The following ZSCAN5A variants were observed in gnomAD, a reference collection of about 807,000 sequenced individuals.
ZSCAN5A encodes the protein zinc finger and SCAN domain containing 5A, also known as zinc finger and SCAN domain-containing protein 5A.
ZSCAN5A carries 12 observed loss-of-function variants against 23.7 expected under a neutral mutation model. That is an observed-to-expected ratio of 0.51 (90% CI 0.32 to 0.82). The LOEUF is 0.82. ZSCAN5A is among the 40% of genes least tolerant of loss of function. The pLI, the probability that ZSCAN5A is intolerant of heterozygous loss-of-function variation, is 0.03. For synonymous variants in ZSCAN5A, 257 were observed against 239.9 expected, an observed-to-expected ratio of 1.07 and a Z score of -0.66; for missense variants, 597 against 617.9, an observed-to-expected ratio of 0.97 and a Z score of 0.36.
intron 1 of ZSCAN5A, chr19:56,368,176 G>A (rs577007641): frequency 6.6e-5 from 10 of 152,500 alleles, no homozygotes; most frequent in African/African-American, 2.2e-4. Flanking sequence ...GCTCCGCGTC[G>A]AGGCCCTACG....
At chr19:56,271,146 G>A (rs770758377) in intron 2 of ZSCAN5A, among the ~76,000 whole-genome samples, 15 of 152,184 alleles carry the variant, frequency 9.9e-5, no homozygotes, top group Admixed American at 2.0e-4. Context: ...AAATCGAAAC[G>A]TAGGACTAAT....
chr19:56,366,998 G>A (rs2041771665), intron 1 of ZSCAN5A, among the ~76,000 whole-genome samples: 1 of 152,114 alleles, frequency 6.6e-6, no homozygotes, highest in African/African-American at 2.4e-5. Flanking sequence ...AAAAACTGGT[G>A]ACGTATTAAA....
chr19:56,328,316 T>C (rs369822539), intron 2 of ZSCAN5A, among the ~76,000 whole-genome samples: 1 of 151,928 alleles, frequency 6.6e-6, no homozygotes, highest in Admixed American at 6.6e-5. Flanking sequence ...TTTTACTATT[T>C]TATTATAAAA....
Position 56,222,687 on chromosome 19 carries a change from G to C in ZSCAN5A, c.643C>G (p.Leu215Val). ...SIDVTGDPKS[L>V]RPKQTLEKDL... ...TTCTCCAAGGTCTGCTTGGGTCTCA[G>C]AGACTTTGGGTCACCTGTTACGTCA... The change falls in exon 5 of 6, where the codon CTG becomes GTG. Residue 215 changes from leucine to valine, a missense_variant. Coordinates refer to ENST00000683990, the MANE Select transcript of ZSCAN5A (RefSeq NM_001322064.3). 1 of 1,614,174 alleles carries C rather than the reference G, an allele frequency of 6.2e-7. No individual in the cohort carries two copies. The highest frequency in any genetic ancestry group is 8.5e-7 in the Non-Finnish European group (1 of 1,180,034).
chr19:56,254,522 G>T (rs1487984258), intron 2 of ZSCAN5A, among the ~76,000 whole-genome samples: 1 of 152,162 alleles, frequency 6.6e-6, no homozygotes, highest in Non-Finnish European at 1.5e-5. Flanking sequence ...CGCTTGGGTA[G>T]CTCCTACTTC....
chr19:56,231,029 T>A (rs531525565), intron 2 of ZSCAN5A, among the ~76,000 whole-genome samples: 3 of 152,214 alleles, frequency 2.0e-5, no homozygotes, highest in African/African-American at 7.2e-5. Flanking sequence ...ACTGGCAACA[T>A]GGCAAAACCC....
intron 2 of ZSCAN5A, among the ~76,000 whole-genome samples, chr19:56,251,318 T>A (rs115753763): frequency 0.013 from 2,008 of 152,292 alleles, 43 homozygotes; most frequent in African/African-American, 0.043. Context: ...TTGGTGCTTT[T>A]CTGTGTAGTT....
intron 2 of ZSCAN5A, among the ~76,000 whole-genome samples, chr19:56,350,094 C>T (rs2041658364): frequency 6.6e-6 from 1 of 152,158 alleles, no homozygotes. Context: ...TTGTAAAATT[C>T]TAATTGCTGT....
intron 1 of ZSCAN5A, chr19:56,314,408 T>A (rs1302099370): frequency 6.6e-6 from 1 of 152,240 alleles, no homozygotes; most frequent in Non-Finnish European, 1.5e-5. Context: ...GCGAAAAGTC[T>A]CTGCGCACTT....
Position 56,225,121 on chromosome 19 carries a change from C to A in ZSCAN5A, c.-75G>T. 6.6e-7 allele frequency: 1 copy of A among 1,507,086 alleles called. No individual in the cohort carries two copies. Among genetic ancestry groups the A allele is most frequent in the South Asian group, 1.3e-5 (1 of 74,234 alleles). The allele number at this position is 1,507,086 out of a possible 1,614,324, so 93.4% of individuals were successfully genotyped here. A position where few individuals can be genotyped will look rare whatever the true frequency, so the allele number is the denominator to read the frequency against. ...CTGGTATCTAATTGATACCTATCTA[C>A]ACAGGCTTCCTCTGGTTTTCCTCAG... is the stretch of plus-strand genomic sequence containing the variant. On this transcript the variant is annotated 5_prime_UTR_variant, in exon 3 of 6. Transcript: ENST00000683990.
Position 56,351,531 on chromosome 19 carries a change from T to C in ZSCAN5A, c.-358+11704A>G, listed in dbSNP as rs999175552. Among the ~76,000 whole-genome samples the C allele has an allele frequency of 2.0e-5, 3 of 152,164 alleles. No homozygotes were observed. The highest frequency in any genetic ancestry group is 4.8e-5 in the African/African-American group (2 of 41,454). On this transcript the variant is annotated intron_variant, in intron 2 of 6. Transcript: ENST00000587340. The surrounding 1 kb of genome is among the most constrained non-coding windows in gnomAD (Gnocchi z 4.8). ...CCAGATATAAGGGACTGTCTTTCTGTTGCGCACAGGGTCTATCTCTGTTCC... is the reference window on the plus strand; with the variant it reads ...CCAGATATAAGGGACTGTCTTTCTGCTGCGCACAGGGTCTATCTCTGTTCC...
At chr19:56,268,471 A>C (rs998474733) in intron 2 of ZSCAN5A, among the ~76,000 whole-genome samples, 1 of 152,118 alleles carries the variant, frequency 6.6e-6, no homozygotes, top group African/African-American at 2.4e-5. Context: ...TTAATTTTTA[A>C]ATTTAGTTAC....
intron 2 of ZSCAN5A, among the ~76,000 whole-genome samples, chr19:56,362,724 A>G (rs960620912): frequency 2.0e-5 from 3 of 152,086 alleles, no homozygotes; most frequent in Non-Finnish European, 4.4e-5. Flanking sequence ...CAAAAAAATT[A>G]GCCAGGTATA....
intron 2 of ZSCAN5A, among the ~76,000 whole-genome samples, chr19:56,263,841 T>G (rs1225352664): frequency 6.6e-6 from 1 of 152,176 alleles, no homozygotes; most frequent in Non-Finnish European, 1.5e-5. Context: ...TATAATAGTA[T>G]TATGCTTCTA....
At chr19:56,335,413 C>G (rs1232867985) in intron 2 of ZSCAN5A, among the ~76,000 whole-genome samples, 2 of 152,136 alleles carry the variant, frequency 1.3e-5, no homozygotes, top group Non-Finnish European at 2.9e-5. Context: ...CCTAGCTAGC[C>G]AGGCCAACAT....
intron 2 of ZSCAN5A, chr19:56,321,510 A>G (rs2041375186): frequency 2.8e-6 from 2 of 724,942 alleles, no homozygotes; most frequent in Non-Finnish European, 5.1e-6. Context: ...ACCATGCACC[A>G]CTCACACGCA....
chr19:56,261,688 GA>G (rs1348366301), intron 2 of ZSCAN5A, among the ~76,000 whole-genome samples: 1 of 151,934 alleles, frequency 6.6e-6, no homozygotes, highest in Non-Finnish European at 1.5e-5. Context: ...AAAAAGGGGA[GA>G]AAAAGAGATT....
Position 56,242,061 on chromosome 19 carries a change from C to T in ZSCAN5A, c.-127-16888G>A, listed in dbSNP as rs542666053. On this transcript the variant is annotated intron_variant, in intron 2 of 5. Coordinates refer to ENST00000683990, the MANE Select transcript of ZSCAN5A (RefSeq NM_001322064.3). Reference sequence around the variant, plus strand: ...TTTCCTCTGTGTACCTGCCCCGGAGCGGGATTGCCGGATCATGCAGTTGTT... The same window carrying T: ...TTTCCTCTGTGTACCTGCCCCGGAGTGGGATTGCCGGATCATGCAGTTGTT... Among the ~76,000 whole-genome samples, 917 of 152,246 alleles carry T rather than the reference C, an allele frequency of 6.0e-3. 7 individuals are homozygous for T. The highest frequency in any genetic ancestry group is 0.021 in the African/African-American group (888 of 41,550).
At chr19:56,247,173 GCAGCTCTCAGACCTCCGCGTCCAC>G in intron 2 of ZSCAN5A, 1 of 605,414 alleles carries the variant, frequency 1.7e-6, no homozygotes, top group South Asian at 1.9e-5. Flanking sequence ...GGTGCTTCAC[GCAGCTCTCAGACCTCCGCGTCCAC>G]CAGCGAATCC....
Sources: allele counts gnomAD v4.1 joint callset (sites outside exome capture counted in the v4.1 genomes callset), GRCh38; gene constraint gnomAD v4.1.1; non-coding constraint Gnocchi (gnomAD v3.1); transcripts MANE v1.5; gene names NCBI Gene and HGNC (gene_info 2026-07-23, HGNC 2026-07-21).